Variants in CSMD1 observed in about 807,000 individuals in gnomAD.
CSMD1 encodes CUB and Sushi multiple domains 1.
CSMD1 carries 213 observed loss-of-function variants against 417.5 expected under a neutral mutation model. The observed-to-expected ratio is 0.51, with a 90% CI of 0.46 to 0.57. The LOEUF (loss-of-function observed/expected upper bound fraction) is 0.57. Ranked by LOEUF, CSMD1 falls within the 20% of genes least tolerant of loss-of-function variation. The pLI, the probability that CSMD1 is intolerant of heterozygous loss-of-function variation, is 0.00. For synonymous variants in CSMD1, 2,862 were observed against 1,736.8 expected (o/e 1.65, Z -16.11); for missense variants, 6,923 against 4,529.7 (o/e 1.53, Z -15.17).
chr8:3,997,974 G>T lies in CSMD1; in HGVS notation c.747C>A (p.Val249=), dbSNP rs762380961. The change falls in exon 5 of 70, where the codon GTC becomes GTA. Residue 249 remains valine (V), a synonymous_variant. Coordinates refer to ENST00000635120, the MANE Select transcript of CSMD1 (RefSeq NM_033225.6). ...LAEPGDTIAL[V]FTDFQLEEGY... Reference sequence around the variant, plus strand: ...CTTCTTCTAGCTGAAAGTCAGTGAAGACCAGCGCAATGGTGTCCCCGGGCT... The same window carrying T: ...CTTCTTCTAGCTGAAAGTCAGTGAATACCAGCGCAATGGTGTCCCCGGGCT... 6.2e-6 allele frequency: 10 copies of T among 1,611,258 alleles called. No homozygotes were observed. Among genetic ancestry groups the T allele is most frequent in the Admixed American group, 1.7e-5 (1 of 59,702 alleles).
intron 23 of CSMD1, among the ~76,000 whole-genome samples, chr8:3,327,219 T>C (rs1806590899): frequency 6.6e-6 from 1 of 151,970 alleles, no homozygotes; most frequent in Non-Finnish European, 1.5e-5. Context: ...CTCTGCTCAC[T>C]GTAAGCTCCG....
At chr8:3,777,703 T>C (rs181034103) in intron 5 of CSMD1, among the ~76,000 whole-genome samples, 61 of 152,304 alleles carry the variant, frequency 4.0e-4, no homozygotes, top group African/African-American at 1.5e-3. Flanking sequence ...ACCTGCGGCC[T>C]CCTTCAGATG....
In CSMD1 at chr8:4,374,876, C is replaced by A. The variant is rs570142693; in HGVS notation, c.415+45077G>T. Among the ~76,000 whole-genome samples the A allele has an allele frequency of 1.7e-4, 24 of 142,456 alleles. No individual in the cohort carries two copies. In the Admixed American group the frequency reaches 1.7e-3, roughly 10 times the overall value. 93.5% of individuals were successfully genotyped at this position (142,456 alleles called of 152,430 possible). A position where few individuals can be genotyped will look rare whatever the true frequency, so the allele number is the denominator to read the frequency against. Reference sequence around the variant, plus strand: ...ACCTAGGGGCTAATTAAACACAGGACATGAAGCTGAAGAAGAGCCAATGAT... The same window carrying A: ...ACCTAGGGGCTAATTAAACACAGGAAATGAAGCTGAAGAAGAGCCAATGAT... On this transcript the variant is annotated intron_variant, in intron 3 of 69. Transcript: ENST00000635120.
chr8:4,912,122 CAAAAAAAA>C (rs36194482), intron 1 of CSMD1, among the ~76,000 whole-genome samples: 8 of 84,594 alleles, frequency 9.5e-5, no homozygotes, highest in Admixed American at 5.5e-4. Context: ...AACATAGCTT[CAAAAAAAA>C]AAAAAAAAAA....
chr8:3,488,008 A>G (rs1012296530), intron 11 of CSMD1, among the ~76,000 whole-genome samples: 1 of 147,170 alleles, frequency 6.8e-6, no homozygotes, highest in African/African-American at 2.5e-5. Context: ...AAGACCCTAC[A>G]AACGCAATCA....
chr8:3,033,090 G>C (rs1270866555), intron 50 of CSMD1, among the ~76,000 whole-genome samples: 1 of 150,162 alleles, frequency 6.7e-6, no homozygotes, highest in African/African-American at 2.4e-5. Context: ...ATTAATTCTA[G>C]GCTACAGTTT....
chr8:4,465,244 T>C (rs1215064944), intron 2 of CSMD1, among the ~76,000 whole-genome samples: 1 of 152,160 alleles, frequency 6.6e-6, no homozygotes, highest in Non-Finnish European at 1.5e-5. Flanking sequence ...TTTGAGTATG[T>C]GTCTCTTTCA....
intron 8 of CSMD1, among the ~76,000 whole-genome samples, chr8:3,606,336 G>A (rs1047814930): frequency 2.6e-5 from 4 of 152,132 alleles, no homozygotes; most frequent in African/African-American, 7.2e-5. Flanking sequence ...GGGCTTCATG[G>A]TACAGCCTAG....
chr8:4,306,596 T>A (rs1334084929), intron 3 of CSMD1, among the ~76,000 whole-genome samples: 1 of 152,192 alleles, frequency 6.6e-6, no homozygotes, highest in African/African-American at 2.4e-5. Context: ...AGCATCCTGA[T>A]GCTTTCCTTC....
intron 1 of CSMD1, among the ~76,000 whole-genome samples, chr8:4,744,878 A>G (rs1241824317): frequency 6.6e-6 from 1 of 152,160 alleles, no homozygotes; most frequent in Non-Finnish European, 1.5e-5. Flanking sequence ...AGTTGAACTG[A>G]ATTTTTTCAC....
chr8:3,696,407 G>C (rs1800555734), intron 7 of CSMD1, among the ~76,000 whole-genome samples: 1 of 152,116 alleles, frequency 6.6e-6, no homozygotes, highest in South Asian at 2.1e-4. Context: ...ACGTGACTTA[G>C]TTTTCTTCTC....
intron 1 of CSMD1, among the ~76,000 whole-genome samples, chr8:4,847,489 C>G (rs1479006785): frequency 6.6e-6 from 1 of 152,138 alleles, no homozygotes; most frequent in African/African-American, 2.4e-5. Context: ...CCGACTACCC[C>G]ACTATTAACA....
chr8:4,925,544 T>C (rs1300789735), intron 1 of CSMD1, among the ~76,000 whole-genome samples: 1 of 147,692 alleles, frequency 6.8e-6, no homozygotes, highest in African/African-American at 2.6e-5. Flanking sequence ...TTTCTTTTTT[T>C]TTTCTTTTTT....
chr8:3,087,897 G>A (rs7010852), intron 48 of CSMD1, among the ~76,000 whole-genome samples: 59,197 of 152,144 alleles, frequency 0.39, 11,850 homozygotes, highest in Non-Finnish European at 0.42. Flanking sequence ...AATATTCTGC[G>A]TGTTTTTTAA....
intron 2 of CSMD1, among the ~76,000 whole-genome samples, chr8:4,461,535 C>G (rs1363117914): frequency 7.2e-6 from 1 of 138,256 alleles, no homozygotes; most frequent in East Asian, 2.2e-4. Context: ...ATGCAAAAAT[C>G]CATATTTTTT....
intron 3 of CSMD1, among the ~76,000 whole-genome samples, chr8:4,080,111 C>G (rs1471558489): frequency 6.6e-6 from 1 of 151,814 alleles, no homozygotes; most frequent in East Asian, 1.9e-4. Context: ...TCACTCGTTC[C>G]ATGTATACAC....
At position 4,642,955 on chromosome 8, in the gene CSMD1, C is replaced by G. The variant is rs180806870; in HGVS notation, c.86-5397G>C. Reference sequence around the variant, plus strand: ...GTAGCAAATTCTACAAACGAGGAAACGAGTCATTTGAGAAATGATGGACAG... The same window carrying G: ...GTAGCAAATTCTACAAACGAGGAAAGGAGTCATTTGAGAAATGATGGACAG... On this transcript the variant is annotated intron_variant, in intron 1 of 69. Coordinates refer to ENST00000635120, the MANE Select transcript of CSMD1 (RefSeq NM_033225.6). Among the ~76,000 whole-genome samples, 41 of 152,260 alleles carry G rather than the reference C, an allele frequency of 2.7e-4. 1 individual carries two copies. The East Asian group carries it at 7.0e-3, about 26-fold the overall frequency.
At chr8:3,545,055 T>G (rs1025475597) in intron 10 of CSMD1, among the ~76,000 whole-genome samples, 2 of 152,306 alleles carry the variant, frequency 1.3e-5, no homozygotes, top group East Asian at 1.9e-4. Context: ...ATATGGTATT[T>G]CCTGAATACA....
At chr8:4,355,178 C>T (rs374358153) in intron 3 of CSMD1, among the ~76,000 whole-genome samples, 3 of 151,892 alleles carry the variant, frequency 2.0e-5, no homozygotes, top group Non-Finnish European at 2.9e-5. Context: ...AGGAGAATGG[C>T]GTGAACCTGG....
Sources: allele counts gnomAD v4.1 joint callset (sites outside exome capture counted in the v4.1 genomes callset), GRCh38; gene constraint gnomAD v4.1.1; transcripts MANE v1.5; gene names NCBI Gene and HGNC (gene_info 2026-07-23, HGNC 2026-07-21).